DHDDS: variants seen among roughly 807,000 people sequenced by gnomAD.
DHDDS encodes the protein dehydrodolichyl diphosphate synthase complex subunit DHDDS.
DHDDS carries 16 observed loss-of-function variants against 46.2 expected under a neutral mutation model. The ratio of observed to expected loss-of-function variants is 0.35; its 90% CI spans 0.23 to 0.53. DHDDS has a LOEUF of 0.53. Among genes scored for constraint, DHDDS ranks in the 20% least tolerant of loss-of-function variants. The pLI, the probability that DHDDS is intolerant of heterozygous loss-of-function variation, is 0.94. For missense variants in DHDDS, 340 were observed against 423.7 expected (o/e 0.80, Z 1.73); for synonymous variants, 151 against 163.1 (o/e 0.93, Z 0.56).
chr1:26,439,439 A>C (rs1401894463), intron 3 of DHDDS, among the ~76,000 whole-genome samples: 1 of 152,042 alleles, frequency 6.6e-6, no homozygotes, highest in Non-Finnish European at 1.5e-5. Flanking sequence ...AAAATTAGCC[A>C]AGCATGATGG....
chr1:26,467,186 A>T (rs1273943020), intron 8 of DHDDS: 2 of 371,630 alleles, frequency 5.4e-6, no homozygotes, highest in Non-Finnish European at 1.2e-5. Flanking sequence ...CCTATTTTGC[A>T]TCGTGGCACT....
chr1:26,445,193 T>G (rs2075256585), intron 4 of DHDDS, among the ~76,000 whole-genome samples: 1 of 152,238 alleles, frequency 6.6e-6, no homozygotes, highest in South Asian at 2.1e-4. Context: ...GGATGGAATG[T>G]GTTGGTACAT....
intron 7 of DHDDS, among the ~76,000 whole-genome samples, chr1:26,459,565 C>A (rs1363566827): frequency 6.6e-6 from 1 of 152,168 alleles, no homozygotes; most frequent in Non-Finnish European, 1.5e-5. Context: ...TGGTTGGAGC[C>A]AAAATTCAAA....
chr1:26,450,500 G>A (rs372255481), intron 6 of DHDDS, among the ~76,000 whole-genome samples: 140 of 152,106 alleles, frequency 9.2e-4, no homozygotes, highest in Non-Finnish European at 1.7e-3. Context: ...CATTTTTGAG[G>A]AACTCTACCC....
In DHDDS at chr1:26,457,469, C is replaced by CAAAT. The variant is rs578033799; in HGVS notation, c.543-300_543-297dup. On this transcript the variant is annotated intron_variant, in intron 6 of 8. Transcript: ENST00000236342. ...TGGGGAACAGTGTGAGACTCTATCT[C>CAAAT]AAATAAATAAATAAATAAATAAATA... Among the ~76,000 whole-genome samples, 1,233 of 142,570 alleles carry CAAAT rather than the reference C, an allele frequency of 8.6e-3. 11 individuals are homozygous for CAAAT. Among genetic ancestry groups the CAAAT allele is most frequent in the African/African-American group, 0.028 (1,086 of 38,422 alleles). 93.5% of individuals were successfully genotyped at this position (142,570 alleles called of 152,430 possible). A position where few individuals can be genotyped will look rare whatever the true frequency, so the allele number is the denominator to read the frequency against.
chr1:26,449,355 C>A (rs554691655), intron 6 of DHDDS, among the ~76,000 whole-genome samples: 1 of 152,094 alleles, frequency 6.6e-6, no homozygotes, highest in East Asian at 1.9e-4. Flanking sequence ...TCTGCCTCAG[C>A]CTCCCAAAGT....
chr1:26,446,711 T>C (rs1048731131), intron 5 of DHDDS, among the ~76,000 whole-genome samples: 1 of 151,758 alleles, frequency 6.6e-6, no homozygotes, highest in African/African-American at 2.4e-5. Flanking sequence ...TGTGTGTGGG[T>C]GTGTTTTTAC....
chr1:26,451,404 ATGTGTGTGTGTGTGTGTGTGTGTG>A (rs35376620), intron 6 of DHDDS, among the ~76,000 whole-genome samples: 2 of 136,032 alleles, frequency 1.5e-5, no homozygotes, highest in South Asian at 2.4e-4. Context: ...ATGTATGTAG[ATGTGTGTGTGTGTGTGTGTGTGTG>A]TGTGTGTGTG....
At chr1:26,461,829 AAAG>A (rs1243651886) in intron 8 of DHDDS, among the ~76,000 whole-genome samples, 1 of 151,774 alleles carries the variant, frequency 6.6e-6, no homozygotes, top group African/African-American at 2.4e-5. Flanking sequence ...GAGGAAATTA[AAAG>A]AAGTTTAGAA....
In DHDDS at chr1:26,469,263, C is replaced by A; in HGVS notation, c.*132C>A. 1 of 1,553,670 alleles carries A rather than the reference C, an allele frequency of 6.4e-7. No homozygotes were observed. The highest frequency in any genetic ancestry group is 1.1e-5 in the South Asian group (1 of 87,258). On this transcript the variant is annotated 3_prime_UTR_variant, in exon 9 of 9. Transcript: ENST00000236342. Reference sequence around the variant, plus strand: ...CCCTTTGCTTGGCTGGGGAGCCCCCCAGGCCAGGTTTGCTGGCCATAGATA... The same window carrying A: ...CCCTTTGCTTGGCTGGGGAGCCCCCAAGGCCAGGTTTGCTGGCCATAGATA...
intron 2 of DHDDS, among the ~76,000 whole-genome samples, chr1:26,436,493 G>A (rs897519666): frequency 6.6e-6 from 1 of 151,876 alleles, no homozygotes; most frequent in Non-Finnish European, 1.5e-5. Context: ...GCGCCATCTC[G>A]GCTTACTGCA....
rs1042805853 is a variant in DHDDS, at chr1:26,447,579, T to C, written c.461T>C (p.Phe154Ser). The C allele has an allele frequency of 4.3e-6, 7 of 1,614,210 alleles. No individual in the cohort carries two copies. The highest frequency in any genetic ancestry group is 5.9e-6 in the Non-Finnish European group (7 of 1,180,030). Residue 154 changes from phenylalanine to serine, a missense_variant, in exon 6 of 9, where the codon TTT becomes TCT. By Grantham distance (155) the Phe-to-Ser change is radical (BLOSUM62 -2). This residue lies in a region of DHDDS where 268 missense variants were observed against 300.3 expected (regional missense o/e 0.89). Transcript: ENST00000236342. ...NYNKCFLNVC[F>S]AYTSRHEISN... The stretch of plus-strand genomic sequence containing the variant: ...CTCAGGTGTTTCCTGAATGTCTGTT[T>C]TGCATACACATCCCGTCATGAGATC...
At chr1:26,435,250 TC>T (rs1414674814) in intron 2 of DHDDS, among the ~76,000 whole-genome samples, 1 of 151,872 alleles carries the variant, frequency 6.6e-6, no homozygotes, top group East Asian at 1.9e-4. Context: ...GACCTCGTGA[TC>T]CACCCGCCTC....
At chr1:26,440,876 C>T (rs11247958) in intron 3 of DHDDS, among the ~76,000 whole-genome samples, 44,059 of 152,006 alleles carry the variant, frequency 0.29, 7,398 homozygotes, top group East Asian at 0.72. Flanking sequence ...ACATTGTTCT[C>T]CACCTTTAGT....
intron 2 of DHDDS, among the ~76,000 whole-genome samples, 190 bp from the exon 3 acceptor site, chr1:26,437,978 C>G (rs916286215): frequency 6.6e-6 from 1 of 152,030 alleles, no homozygotes; most frequent in Non-Finnish European, 1.5e-5. Context: ...GAGATCCTGC[C>G]TCAAAATAAA....
chr1:26,461,135 A>G (rs951903680), intron 8 of DHDDS, among the ~76,000 whole-genome samples: 4 of 152,108 alleles, frequency 2.6e-5, no homozygotes, highest in African/African-American at 9.7e-5. Flanking sequence ...TGGCCTCCCA[A>G]AGTGCTGGGA....
Position 26,449,849 on chromosome 1 carries a change from G to A in DHDDS, c.542+2189G>A, listed in dbSNP as rs184067138. On this transcript the variant is annotated intron_variant, in intron 6 of 8. Transcript: ENST00000236342. ...GCTGGGATTACAGGCGTGAGCCACCGCGCCCGGCGGTTTTAGACTTACGTT... is the reference window on the plus strand; with the variant it reads ...GCTGGGATTACAGGCGTGAGCCACCACGCCCGGCGGTTTTAGACTTACGTT... 1.8e-4 allele frequency among the ~76,000 whole-genome samples: 28 copies of A among 152,258 alleles called. No homozygotes were observed. In the East Asian group the frequency reaches 4.1e-3, roughly 22 times the overall value.
At chr1:26,433,046 C>G in intron 2 of DHDDS, 38 bp downstream of exon 2, 2 of 1,607,596 alleles carry the variant, frequency 1.2e-6, no homozygotes, top group Non-Finnish European at 1.7e-6. Flanking sequence ...GCCTTCTGGT[C>G]AGTTGGATAA....
intron 8 of DHDDS, among the ~76,000 whole-genome samples, chr1:26,462,432 AC>A: frequency 6.6e-6 from 1 of 152,276 alleles, no homozygotes; most frequent in South Asian, 2.1e-4. Context: ...GTCCCAGAAT[AC>A]CTGGGTTTGA....
Sources: allele counts gnomAD v4.1 joint callset (sites outside exome capture counted in the v4.1 genomes callset), GRCh38; gene constraint gnomAD v4.1.1; regional missense constraint gnomAD v4.1.1; transcripts MANE v1.5; gene names NCBI Gene and HGNC (gene_info 2026-07-23, HGNC 2026-07-21).